The following EML6 variants were observed in gnomAD, a reference collection of about 807,000 sequenced individuals.
EML6 encodes echinoderm microtubule-associated protein-like 6.
A neutral mutation model predicts 240.1 loss-of-function variants in EML6; 154 were observed. That is an observed-to-expected ratio of 0.64 (90% confidence interval 0.56 to 0.73). The LOEUF (loss-of-function observed/expected upper bound fraction) is 0.73. Among genes scored for constraint, EML6 ranks in the 30% least tolerant of loss-of-function variants. The probability of loss-of-function intolerance (pLI) is 0.00; values close to 1 mark genes in which losing one functional copy is unlikely to be tolerated. For synonymous variants in EML6, 1,148 were observed against 899.0 expected (o/e 1.28, Z -4.95); for missense variants, 2,964 against 2,474.6 (o/e 1.20, Z -4.20).
At chr2:54,964,183 T>C (rs1676649761) in intron 37 of EML6, 25 bp downstream of exon 37, 5 of 1,547,766 alleles carry the variant, frequency 3.2e-6, no homozygotes, top group Non-Finnish European at 4.4e-6. Context: ...GGTCTGGGCA[T>C]GGAGGAGAAA....
intron 2 of EML6, among the ~76,000 whole-genome samples, chr2:54,786,764 A>T (rs1016421127): frequency 2.6e-5 from 4 of 152,244 alleles, no homozygotes; most frequent in African/African-American, 9.6e-5. Context: ...CTGTTAAGAC[A>T]GCTGGTCTCT....
intron 7 of EML6, among the ~76,000 whole-genome samples, chr2:54,838,576 A>T (rs1430226524): frequency 5.3e-5 from 8 of 152,210 alleles, no homozygotes; most frequent in Non-Finnish European, 8.8e-5. Context: ...CACAGACTAG[A>T]TCTCCCCATG....
At chr2:54,922,376 A>G (rs1006398055) in intron 26 of EML6, among the ~76,000 whole-genome samples, 1 of 152,228 alleles carries the variant, frequency 6.6e-6, no homozygotes. Context: ...TAGGATGTCT[A>G]TTAAAAAAAG....
At chr2:54,844,611 TG>T (rs1669650012) in intron 8 of EML6, among the ~76,000 whole-genome samples, 1 of 152,252 alleles carries the variant, frequency 6.6e-6, no homozygotes, top group Non-Finnish European at 1.5e-5. Flanking sequence ...TTTACAATTT[TG>T]TTAAAGGCTC....
chr2:54,966,927 G>A, intron 38 of EML6, 73 bp from the exon 39 acceptor site: 3 of 971,524 alleles, frequency 3.1e-6, no homozygotes. Flanking sequence ...AGTGTTCTGG[G>A]AAACTGTGCC....
intron 28 of EML6, among the ~76,000 whole-genome samples, chr2:54,942,686 C>T (rs554196844): frequency 4.5e-4 from 69 of 152,316 alleles, no homozygotes; most frequent in African/African-American, 1.6e-3. Context: ...CTTCCTGTCT[C>T]TGAGCAATTC....
intron 7 of EML6, among the ~76,000 whole-genome samples, chr2:54,831,616 C>A (rs187371048): frequency 1.7e-3 from 262 of 152,374 alleles, no homozygotes; most frequent in Middle Eastern, 0.01. Flanking sequence ...AAGCCTGCAC[C>A]TCATAGGATG....
At chr2:54,923,828 G>A (rs1018553918) in intron 26 of EML6, among the ~76,000 whole-genome samples, 2 of 151,876 alleles carry the variant, frequency 1.3e-5, no homozygotes, top group African/African-American at 4.8e-5. Context: ...TGAAACAACT[G>A]TTCCAATGTT....
intron 2 of EML6, among the ~76,000 whole-genome samples, chr2:54,789,566 C>T (rs897958115): frequency 7.2e-6 from 1 of 138,806 alleles, no homozygotes; most frequent in Non-Finnish European, 1.6e-5. Context: ...AATGTGCTTT[C>T]CAAAGTAGAC....
Position 54,774,912 on chromosome 2 carries a change from TACA to T in EML6, c.198-38316_198-38314del, listed in dbSNP as rs1668533312. ...CCCAAGTGGAAATACAGAAAGTGCT[TACA>T]ACATGTAAAATTCTGTATTGTTGAC... is the stretch of plus-strand genomic sequence containing the variant. On this transcript the variant is annotated intron_variant, in intron 2 of 41. Coordinates refer to ENST00000356458, the MANE Select transcript of EML6 (RefSeq NM_001039753.4). The surrounding 1 kb of genome is among the most constrained non-coding windows in gnomAD (Gnocchi z 4.1). Among the ~76,000 whole-genome samples, 1 of 152,262 alleles carries T rather than the reference TACA, an allele frequency of 6.6e-6. No homozygotes were observed. Among genetic ancestry groups the T allele is most frequent in the African/African-American group, 2.4e-5 (1 of 41,466 alleles).
intron 38 of EML6, among the ~76,000 whole-genome samples, chr2:54,965,396 C>G (rs1223585762): frequency 6.6e-6 from 1 of 152,172 alleles, no homozygotes. Flanking sequence ...GAGACTGGTC[C>G]CGTAACCACC....
rs530643868 is a variant in EML6, at chr2:54,847,741, A to G, written c.1187+118A>G. 71 of 1,036,698 alleles carry G rather than the reference A, an allele frequency of 6.8e-5. 1 individual carries two copies. The highest frequency in any genetic ancestry group is 2.8e-4 in the Middle Eastern group (1 of 3,568). 64.2% of individuals were successfully genotyped at this position (1,036,698 alleles called of 1,614,324 possible). On this transcript the variant is annotated intron_variant, in intron 9 of 41. Coordinates refer to ENST00000356458, the MANE Select transcript of EML6 (RefSeq NM_001039753.4). ...AAATCCATTTAGCCATTCAAATAGG[A>G]ATACTATAGATCTACGATCCCCTAT...
At position 54,866,750 on chromosome 2, in the gene EML6, T is replaced by G. The variant is rs780815778; in HGVS notation, c.1933-16T>G. ...ATGAAAGGCATCTCACCCAGATGTT[T>G]CTGTTGTACTTTAAGGTTTACAAAG... On this transcript the variant is annotated splice_polypyrimidine_tract_variant and intron_variant, in intron 13 of 41. Transcript: ENST00000356458. 2 of 1,485,068 alleles carry G rather than the reference T, an allele frequency of 1.3e-6. No homozygotes were observed. The highest frequency in any genetic ancestry group is 2.4e-5 in the South Asian group (2 of 81,850). 92.0% of individuals were successfully genotyped at this position (1,485,068 alleles called of 1,614,324 possible). A position where few individuals can be genotyped will look rare whatever the true frequency, so the allele number is the denominator to read the frequency against.
At chr2:54,893,646 T>C (rs1479167838) in intron 19 of EML6, among the ~76,000 whole-genome samples, 3 of 152,186 alleles carry the variant, frequency 2.0e-5, no homozygotes, top group African/African-American at 4.8e-5. Context: ...TCAACTTCTT[T>C]TCAGTTATTT....
intron 16 of EML6, among the ~76,000 whole-genome samples, chr2:54,872,252 A>G (rs1252935776): frequency 6.6e-6 from 1 of 152,192 alleles, no homozygotes; most frequent in Non-Finnish European, 1.5e-5. Context: ...CACAAAAAGT[A>G]TTTCTACCTA....
intron 2 of EML6, among the ~76,000 whole-genome samples, chr2:54,806,242 A>T (rs1670470526): frequency 6.6e-6 from 1 of 152,160 alleles, no homozygotes; most frequent in African/African-American, 2.4e-5. Context: ...AGTTTAAATC[A>T]CAGAGAATAG....
At chr2:54,798,537 T>G (rs1669942765) in intron 2 of EML6, among the ~76,000 whole-genome samples, 1 of 152,196 alleles carries the variant, frequency 6.6e-6, no homozygotes, top group Non-Finnish European at 1.5e-5. Flanking sequence ...CTTAAGTACC[T>G]TATGTTTTTT....
chr2:54,785,097 T>C (rs1041913868), intron 2 of EML6, among the ~76,000 whole-genome samples: 6 of 151,970 alleles, frequency 3.9e-5, no homozygotes, highest in Admixed American at 3.9e-4. Context: ...TTATTTCAGG[T>C]TTATAGTATT....
chr2:54,797,739 C>A (rs924003798), intron 2 of EML6, among the ~76,000 whole-genome samples: 2 of 152,090 alleles, frequency 1.3e-5, no homozygotes, highest in African/African-American at 2.4e-5. Context: ...GTTATAAGCA[C>A]CAGCTTTAGA....
Sources: gnomAD v4.1 joint callset for allele counts (sites outside exome capture counted in the v4.1 genomes callset) on GRCh38, gnomAD v4.1.1 for gene constraint, Gnocchi (gnomAD v3.1) non-coding constraint, MANE v1.5 for transcripts, NCBI Gene and HGNC (gene_info 2026-07-23, HGNC 2026-07-21) for gene names.